CSMD1: variants seen among roughly 807,000 people sequenced by gnomAD.
The protein encoded by CSMD1 is CUB and Sushi multiple domains 1.
A neutral mutation model predicts 417.5 loss-of-function variants in CSMD1; 213 were observed. The observed-to-expected ratio is 0.51, with a 90% CI of 0.46 to 0.57. CSMD1 has a LOEUF of 0.57. Among genes scored for constraint, CSMD1 ranks in the 20% least tolerant of loss-of-function variants. CSMD1 has a pLI of 0.00. For missense variants in CSMD1, 6,923 were observed against 4,529.7 expected (o/e 1.53, Z -15.17); for synonymous variants, 2,862 against 1,736.8 (o/e 1.65, Z -16.11).
intron 10 of CSMD1, among the ~76,000 whole-genome samples, chr8:3,536,327 T>C (rs755812391): frequency 3.3e-5 from 5 of 152,210 alleles, no homozygotes; most frequent in Non-Finnish European, 7.4e-5. Flanking sequence ...AATGGCAGCC[T>C]GTGGCTTCAA....
chr8:4,509,027 G>C (rs1326677654), intron 2 of CSMD1, among the ~76,000 whole-genome samples: 2 of 152,064 alleles, frequency 1.3e-5, no homozygotes, highest in African/African-American at 2.4e-5. Flanking sequence ...GACAACATGA[G>C]AAGCAGGAAT....
intron 37 of CSMD1, among the ~76,000 whole-genome samples, chr8:3,173,757 T>G (rs1159010045): frequency 6.6e-6 from 1 of 152,202 alleles, no homozygotes; most frequent in Non-Finnish European, 1.5e-5. Flanking sequence ...CCTGTGATGT[T>G]ACTCATGTTC....
chr8:3,860,451 G>C (rs1443662439), intron 5 of CSMD1, among the ~76,000 whole-genome samples: 5 of 151,808 alleles, frequency 3.3e-5, no homozygotes, highest in African/African-American at 9.7e-5. Context: ...TTTCCTATTT[G>C]AATGTAGGAG....
intron 3 of CSMD1, among the ~76,000 whole-genome samples, chr8:4,126,337 G>A (rs751396462): frequency 6.6e-6 from 1 of 152,204 alleles, no homozygotes; most frequent in Non-Finnish European, 1.5e-5. Flanking sequence ...GGGGCAAGGT[G>A]AACCCACTGC....
chr8:4,564,887 G>A (rs973299990), intron 2 of CSMD1, among the ~76,000 whole-genome samples: 13 of 152,148 alleles, frequency 8.5e-5, no homozygotes, highest in African/African-American at 2.7e-4. Flanking sequence ...GTTTGTTTAC[G>A]TAGCTTAATT....
At chr8:3,184,777 T>G (rs1286812853) in intron 36 of CSMD1, among the ~76,000 whole-genome samples, 1 of 152,312 alleles carries the variant, frequency 6.6e-6, no homozygotes, top group African/African-American at 2.4e-5. Context: ...GGATAGCCAA[T>G]AGTCTCAGAC....
intron 1 of CSMD1, among the ~76,000 whole-genome samples, chr8:4,726,608 C>G (rs932480476): frequency 2.6e-5 from 4 of 152,156 alleles, no homozygotes; most frequent in African/African-American, 9.7e-5. Flanking sequence ...TCAGCTTCTG[C>G]AAAAGATAGA....
chr8:3,658,737 C>G (rs982039902), intron 7 of CSMD1, among the ~76,000 whole-genome samples: 1 of 152,010 alleles, frequency 6.6e-6, no homozygotes, highest in Non-Finnish European at 1.5e-5. Flanking sequence ...GAGCCAAGAT[C>G]GTGCCACTGA....
At chr8:4,427,365 G>C (rs2128944364) in intron 2 of CSMD1, among the ~76,000 whole-genome samples, 1 of 152,202 alleles carries the variant, frequency 6.6e-6, no homozygotes, top group Non-Finnish European at 1.5e-5. Flanking sequence ...GGCAGAGGGT[G>C]ATCTGGAACC....
intron 3 of CSMD1, among the ~76,000 whole-genome samples, chr8:4,044,374 T>C (rs560802587): frequency 1.3e-5 from 2 of 152,306 alleles, no homozygotes; most frequent in African/African-American, 4.8e-5. Context: ...AAGAACCTTG[T>C]CTTAATAAGC....
intron 2 of CSMD1, among the ~76,000 whole-genome samples, chr8:4,617,240 A>G (rs1038579784): frequency 1.3e-5 from 2 of 152,196 alleles, no homozygotes; most frequent in African/African-American, 4.8e-5. Flanking sequence ...AGAAAATATA[A>G]ATAAAATCTT....
intron 1 of CSMD1, among the ~76,000 whole-genome samples, chr8:4,941,108 G>C (rs995341663): frequency 2.0e-5 from 3 of 152,152 alleles, no homozygotes; most frequent in Non-Finnish European, 4.4e-5. Context: ...TTTGGAGTTT[G>C]TCTTTCGCCT....
intron 3 of CSMD1, among the ~76,000 whole-genome samples, chr8:4,068,877 TTATG>T (rs1198767229): frequency 6.6e-6 from 1 of 152,194 alleles, no homozygotes; most frequent in African/African-American, 2.4e-5. Context: ...AGGCACTGCA[TTATG>T]TATGTAAAAA....
intron 3 of CSMD1, among the ~76,000 whole-genome samples, chr8:4,152,279 A>G (rs975658032): frequency 6.6e-6 from 1 of 152,208 alleles, no homozygotes; most frequent in East Asian, 1.9e-4. Flanking sequence ...TAGAAATACG[A>G]TGGTTAAAAA....
chr8:4,191,447 TA>T (rs528853349), intron 3 of CSMD1, among the ~76,000 whole-genome samples: 12 of 151,400 alleles, frequency 7.9e-5, no homozygotes, highest in South Asian at 2.1e-4. Flanking sequence ...AAAAACAAAC[TA>T]AAAAAAATTG....
In CSMD1 at chr8:3,647,539, A is replaced by G. The variant is rs141820545; in HGVS notation, c.1010-30742T>C. On this transcript the variant is annotated intron_variant, in intron 7 of 69. Transcript: ENST00000635120. ...AATATAGCATAAAGAGAAATATAGTATAGAGACAAATACAGCATAAAGAGA... is the reference window on the plus strand; with the variant it reads ...AATATAGCATAAAGAGAAATATAGTGTAGAGACAAATACAGCATAAAGAGA... Among the ~76,000 whole-genome samples, 7 of 152,342 alleles carry G rather than the reference A, an allele frequency of 4.6e-5. No individual in the cohort carries two copies. The East Asian group carries it at 5.8e-4, about 13-fold the overall frequency.
intron 3 of CSMD1, among the ~76,000 whole-genome samples, chr8:4,277,184 T>TACATA (rs1796534487): frequency 6.9e-6 from 1 of 143,988 alleles, no homozygotes; most frequent in African/African-American, 2.5e-5. Flanking sequence ...TATTTATATG[T>TACATA]CATCTACAGA....
At chr8:4,094,392 G>C (rs902882831) in intron 3 of CSMD1, among the ~76,000 whole-genome samples, 2 of 152,028 alleles carry the variant, frequency 1.3e-5, no homozygotes, top group African/African-American at 2.4e-5. Context: ...ATTTAGTTTT[G>C]AGAACTATGT....
intron 18 of CSMD1, among the ~76,000 whole-genome samples, chr8:3,386,652 G>A (rs548096584): frequency 6.6e-6 from 1 of 152,180 alleles, no homozygotes; most frequent in East Asian, 1.9e-4. Context: ...GAAAAGTATT[G>A]AAGATGTAAA....
Sources: allele counts gnomAD v4.1 joint callset (sites outside exome capture counted in the v4.1 genomes callset), GRCh38; gene constraint gnomAD v4.1.1; transcripts MANE v1.5; gene names NCBI Gene and HGNC (gene_info 2026-07-23, HGNC 2026-07-21).